The following EYS variants were observed in gnomAD, a reference collection of about 807,000 sequenced individuals.
EYS encodes the protein protein eyes shut homolog.
A neutral mutation model predicts 282.1 loss-of-function variants in EYS; 250 were observed. The ratio of observed to expected loss-of-function variants is 0.89; its 90% CI spans 0.80 to 0.98. EYS has a LOEUF of 0.98. EYS is among the 50% of genes least tolerant of loss of function. The pLI, the probability that EYS is intolerant of heterozygous loss-of-function variation, is 0.00. For synonymous variants in EYS, 1,355 were observed against 1,282.9 expected (o/e 1.06, Z -1.20); for missense variants, 4,016 against 3,709.0 (o/e 1.08, Z -2.15).
At chr6:64,533,586 G>C (rs928870518) in intron 26 of EYS, among the ~76,000 whole-genome samples, 5 of 151,982 alleles carry the variant, frequency 3.3e-5, no homozygotes, top group Non-Finnish European at 7.4e-5. Context: ...TTCTTTACCT[G>C]TATCTATGTT....
intron 5 of EYS, among the ~76,000 whole-genome samples, chr6:65,474,070 A>G (rs917316189): frequency 1.3e-5 from 2 of 152,080 alleles, no homozygotes. Flanking sequence ...AAGAAAGACT[A>G]TCAAGTAGGT....
At chr6:64,487,826 T>C (rs1259603186) in intron 26 of EYS, among the ~76,000 whole-genome samples, 1 of 151,082 alleles carries the variant, frequency 6.6e-6, no homozygotes, top group African/African-American at 2.4e-5. Flanking sequence ...TACTATGTGT[T>C]AGTGCTAGAA....
chr6:65,206,878 A>G (rs2150249471), intron 12 of EYS, among the ~76,000 whole-genome samples: 1 of 151,990 alleles, frequency 6.6e-6, no homozygotes, highest in African/African-American at 2.4e-5. Flanking sequence ...AATACATCAA[A>G]ATAATAAGAG....
At chr6:64,968,920 G>A (rs113881649) in intron 14 of EYS, among the ~76,000 whole-genome samples, 3,234 of 152,266 alleles carry the variant, frequency 0.021, 124 homozygotes, top group African/African-American at 0.073. Flanking sequence ...CAAAGACCAA[G>A]CTCTTTTCCC....
chr6:64,236,212 C>G (rs560974184), intron 30 of EYS, among the ~76,000 whole-genome samples: 3 of 152,146 alleles, frequency 2.0e-5, no homozygotes, highest in Non-Finnish European at 4.4e-5. Flanking sequence ...TGACCTTGTG[C>G]TCCATCCGCC....
intron 31 of EYS, among the ~76,000 whole-genome samples, chr6:64,105,184 T>G (rs553407252): frequency 6.6e-6 from 1 of 152,138 alleles, no homozygotes; most frequent in South Asian, 2.1e-4. Flanking sequence ...AAATCTTTCC[T>G]ACCCACTCTA....
chr6:65,481,680 CTGGG>C (rs1765611310), intron 5 of EYS, among the ~76,000 whole-genome samples: 1 of 152,178 alleles, frequency 6.6e-6, no homozygotes, highest in African/African-American at 2.4e-5. Context: ...TCCTGAGTAG[CTGGG>C]ACTACAGGTG....
At chr6:63,973,136 C>T (rs969120102) in intron 35 of EYS, among the ~76,000 whole-genome samples, 3 of 152,140 alleles carry the variant, frequency 2.0e-5, no homozygotes, top group African/African-American at 7.2e-5. Context: ...GCCACACTGT[C>T]TTCCATAATG....
intron 1 of EYS, among the ~76,000 whole-genome samples, chr6:65,654,754 T>C (rs886683570): frequency 3.3e-5 from 5 of 151,582 alleles, no homozygotes; most frequent in African/African-American, 1.2e-4. Flanking sequence ...AAATTGTTCC[T>C]GAGAATTACC....
At chr6:64,465,855 T>A (rs1775900939) in intron 26 of EYS, among the ~76,000 whole-genome samples, 1 of 152,032 alleles carries the variant, frequency 6.6e-6, no homozygotes, top group African/African-American at 2.4e-5. Context: ...ACCATACATC[T>A]GTTAAGAGAT....
intron 2 of EYS, among the ~76,000 whole-genome samples, chr6:65,560,268 T>C (rs1768991291): frequency 6.9e-6 from 1 of 144,462 alleles, no homozygotes; most frequent in Non-Finnish European, 1.5e-5. Flanking sequence ...ATATAATATA[T>C]AACATATAAC....
At chr6:65,597,438 C>T (rs1430900523) in intron 2 of EYS, among the ~76,000 whole-genome samples, 1 of 152,016 alleles carries the variant, frequency 6.6e-6, no homozygotes, top group Non-Finnish European at 1.5e-5. Context: ...CAGTGTACTC[C>T]CAGTACTAAG....
At chr6:64,547,952 C>A (rs1000180008) in intron 26 of EYS, among the ~76,000 whole-genome samples, 17 of 152,224 alleles carry the variant, frequency 1.1e-4, no homozygotes, top group Non-Finnish European at 1.9e-4. Context: ...CCAGTGCCAG[C>A]AGGGCTGGCC....
At chr6:65,665,378 A>G (rs1462599050) in intron 1 of EYS, among the ~76,000 whole-genome samples, 1 of 152,098 alleles carries the variant, frequency 6.6e-6, no homozygotes, top group Non-Finnish European at 1.5e-5. Flanking sequence ...CTGAGTTTCA[A>G]TTTATATTTG....
At chr6:64,833,609 A>C (rs535485357) in intron 19 of EYS, among the ~76,000 whole-genome samples, 2 of 152,014 alleles carry the variant, frequency 1.3e-5, no homozygotes, top group Non-Finnish European at 2.9e-5. Context: ...AACAACAAAA[A>C]TGTGTCTCAT....
At chr6:63,727,423 C>T (rs1768653878) in intron 41 of EYS, among the ~76,000 whole-genome samples, 1 of 151,588 alleles carries the variant, frequency 6.6e-6, no homozygotes, top group African/African-American at 2.4e-5. Flanking sequence ...GGTGTTTATC[C>T]AAGAGGTGTT....
chr6:64,943,021 A>G (rs938267705), intron 15 of EYS, among the ~76,000 whole-genome samples: 1 of 152,174 alleles, frequency 6.6e-6, no homozygotes, highest in South Asian at 2.1e-4. Context: ...TAATTCTCCA[A>G]CTAAGCTTCA....
intron 12 of EYS, among the ~76,000 whole-genome samples, chr6:65,281,048 A>AG (rs1554178687): frequency 6.8e-6 from 1 of 148,010 alleles, no homozygotes; most frequent in East Asian, 2.0e-4. Flanking sequence ...AAAAAAAAAA[A>AG]AAAGAAAAGA....
intron 5 of EYS, among the ~76,000 whole-genome samples, chr6:65,424,266 A>AT (rs201273314): frequency 1.3e-5 from 2 of 151,260 alleles, no homozygotes; most frequent in Non-Finnish European, 3.0e-5. Context: ...TTTTATTTCT[A>AT]TTTTTTTCTT....
Sources: allele counts gnomAD v4.1 joint callset (sites outside exome capture counted in the v4.1 genomes callset), GRCh38; gene constraint gnomAD v4.1.1; transcripts MANE v1.5; gene names NCBI Gene and HGNC (gene_info 2026-07-23, HGNC 2026-07-21).